FUBP1: variants seen among roughly 807,000 people sequenced by gnomAD.
The protein encoded by FUBP1 is far upstream element-binding protein 1.
Under a neutral mutation model 94.9 loss-of-function variants are expected in FUBP1, and 16 were observed. The observed-to-expected ratio is 0.17, with a 90% CI of 0.11 to 0.26. The LOEUF (loss-of-function observed/expected upper bound fraction) is 0.26, where lower values mean the gene tolerates loss of function less well. FUBP1 is among the 10% of genes least tolerant of loss of function. The pLI is 1.00. For missense variants in FUBP1, 583 were observed against 808.6 expected (o/e 0.72, Z 3.38); for synonymous variants, 279 against 254.9 (o/e 1.09, Z -0.90).
intron 19 of FUBP1, 108 bp from the exon 20 acceptor site, chr1:77,948,882 ATGG>A: frequency 4.1e-6 from 6 of 1,459,210 alleles, no homozygotes; most frequent in Non-Finnish European, 5.7e-6. Context: ...GTTAATATAA[ATGG>A]TGGTGGCTTC....
intron 18 of FUBP1, among the ~76,000 whole-genome samples, chr1:77,953,128 TA>T (rs939756575): frequency 3.3e-5 from 5 of 151,484 alleles, no homozygotes; most frequent in Admixed American, 6.6e-5. Flanking sequence ...GACTCCGTCT[TA>T]AAAAAAACAA....
At chr1:77,958,463 A>C (rs915588920) in intron 16 of FUBP1, among the ~76,000 whole-genome samples, 2 of 152,348 alleles carry the variant, frequency 1.3e-5, no homozygotes, top group Middle Eastern at 3.4e-3. Flanking sequence ...TTTTTAAAGA[A>C]ACATTTTAGT....
intron 18 of FUBP1, among the ~76,000 whole-genome samples, chr1:77,950,311 C>A (rs561171345): frequency 5.9e-5 from 9 of 152,218 alleles, no homozygotes; most frequent in South Asian, 4.1e-4. Context: ...ACAGGCCCAC[C>A]ATGCCTAGCT....
chr1:77,949,178 G>C lies in FUBP1; in HGVS notation c.1903C>G (p.Pro635Ala). ...ACCTGAGGTGCTGGAGGATGCTGTG[G>C]CATTCCCTGGGGACTTGTCTGGGCA... ...YYAQTSPQGM[P>A]QHPPAPQGQ The change falls in exon 19 of 20, where the codon CCA becomes GCA. Residue 635 changes from proline (P) to alanine (A), a missense_variant. Physicochemically the swap from Pro to Ala is conservative, Grantham distance 27. Transcript: ENST00000370768. 6.2e-7 allele frequency: 1 copy of C among 1,613,068 alleles called. No individual in the cohort carries two copies.
intron 1 of FUBP1, among the ~76,000 whole-genome samples, chr1:77,978,540 C>T (rs184674981): frequency 3.9e-4 from 59 of 152,342 alleles, no homozygotes; most frequent in Admixed American, 1.0e-3. Context: ...ATTACCAGAA[C>T]CTTCCATTAA....
At chr1:77,977,136 C>G (rs571068987) in intron 1 of FUBP1, among the ~76,000 whole-genome samples, 1 of 152,296 alleles carries the variant, frequency 6.6e-6, no homozygotes, top group South Asian at 2.1e-4. Flanking sequence ...TCAGATAATC[C>G]TGTTCATCTG....
At position 77,949,296 on chromosome 1, in the gene FUBP1, C is replaced by T. The variant is rs1186884959; in HGVS notation, c.1785G>A (p.Gln595=). 1 of 1,612,348 alleles carries T rather than the reference C, an allele frequency of 6.2e-7. No individual in the cohort carries two copies. The highest frequency in any genetic ancestry group is 8.5e-7 in the Non-Finnish European group (1 of 1,179,198). Residue 595 remains glutamine (Q), a synonymous_variant, in exon 19 of 20, where the codon CAG becomes CAA. Transcript: ENST00000370768. The part of the protein sequence containing the change: ...AWEEYYKKMG[Q]AVPAPTGAPP... The stretch of plus-strand genomic sequence containing the variant: ...GAGCCCCAGTCGGAGCAGGAACTGC[C>T]TGACCTTTGAAAAAAAAGAACTTTG...
intron 1 of FUBP1, among the ~76,000 whole-genome samples, chr1:77,973,761 C>T (rs1213056467): frequency 2.6e-5 from 4 of 152,094 alleles, no homozygotes; most frequent in Admixed American, 6.5e-5. Flanking sequence ...TTGCTCTTCA[C>T]GGTTTCAGTT....
chr1:77,964,732 C>T lies in FUBP1; in HGVS notation c.751G>A (p.Val251Met), dbSNP rs750657206. ...CCTTGATCACGAATTAACTCTAACA[C>T]CATTTCCTTGGCTTGCTAAAGCAGA... The part of the protein sequence containing the change: ...PYKVQQAKEM[V>M]LELIRDQGGF... The change falls in exon 10 of 20, where the codon GTG becomes ATG. Residue 251 changes from valine (V) to methionine (M), a missense_variant. By Grantham distance (21) the Val-to-Met change is conservative (BLOSUM62 1). Coordinates refer to ENST00000370768, the MANE Select transcript of FUBP1 (RefSeq NM_003902.5). 1 of 1,612,016 alleles carries T rather than the reference C, an allele frequency of 6.2e-7. No individual in the cohort carries two copies. Among genetic ancestry groups the T allele is most frequent in the South Asian group, 1.1e-5 (1 of 91,042 alleles).
chr1:77,960,802 C>G (rs993737104), intron 14 of FUBP1: 1 of 253,642 alleles, frequency 3.9e-6, no homozygotes, highest in Non-Finnish European at 7.5e-6. Context: ...TTTTATCATT[C>G]TTACTTTTAC....
rs758508471 is a variant in FUBP1, at chr1:77,965,156, C to T, written c.549G>A (p.Pro183=). The change falls in exon 8 of 20, where the codon CCG becomes CCA. Residue 183 remains proline (P), a synonymous_variant. Coordinates refer to ENST00000370768, the MANE Select transcript of FUBP1 (RefSeq NM_003902.5). Reference sequence around the variant, plus strand: ...TCATGATTTCTTGAACTGCATTTCCCGGTCCATCGCCATGATGGAAGCCAG... The same window carrying T: ...TCATGATTTCTTGAACTGCATTTCCTGGTCCATCGCCATGATGGAAGCCAG... ...PAPGFHHGDG[P]GNAVQEIMIP... is the part of the protein sequence containing the mutation. The T allele has an allele frequency of 1.9e-5, 31 of 1,611,726 alleles. No individual in the cohort carries two copies. Among genetic ancestry groups the T allele is most frequent in the Admixed American group, 3.3e-5 (2 of 59,986 alleles).
In FUBP1 at chr1:77,947,930, C is replaced by T. The variant is rs888018156; in HGVS notation, c.*836G>A. 6 of 995,266 alleles carry T rather than the reference C, an allele frequency of 6.0e-6. No individual in the cohort carries two copies. The East Asian group carries it at 2.2e-4, about 36-fold the overall frequency. The allele number at this position is 995,266 out of a possible 1,614,324, so 61.7% of individuals were successfully genotyped here. The stretch of plus-strand genomic sequence containing the variant: ...ATTATATACATTGAAAGAGTTGCTT[C>T]ACATGGAAAAAAACTGTTCTTATTA... On this transcript the variant is annotated 3_prime_UTR_variant, in exon 20 of 20. Transcript: ENST00000370768.
At position 77,947,782 on chromosome 1, in the gene FUBP1, A is replaced by AG. The variant is rs1002980965; in HGVS notation, c.*983dup. 9.1e-5 allele frequency: 68 copies of AG among 746,100 alleles called. 1 individual carries two copies. The African/African-American group carries it at 1.1e-3, about 12-fold the overall frequency. 46.2% of individuals were successfully genotyped at this position (746,100 alleles called of 1,614,324 possible). On this transcript the variant is annotated 3_prime_UTR_variant, in exon 20 of 20. Transcript: ENST00000370768. ...AACAAAGCTTATCTATACTGCATAA[A>AG]GAAAAAAAAAAAGCTTGAACGTTTC... is the stretch of plus-strand genomic sequence containing the variant.
In FUBP1 at chr1:77,978,324, C is replaced by A. The variant is rs901059131; in HGVS notation, c.120+561G>T. 1.2e-4 allele frequency among the ~76,000 whole-genome samples: 18 copies of A among 152,250 alleles called. No individual in the cohort carries two copies. In the South Asian group the frequency reaches 1.5e-3, roughly 12 times the overall value. On this transcript the variant is annotated intron_variant, in intron 1 of 19. Coordinates refer to ENST00000370768, the MANE Select transcript of FUBP1 (RefSeq NM_003902.5). ...AGGCCATTTTGAGAAATAAGGGGGG[C>A]GGACTGGTGGAACAGACTGACACGT... is the stretch of plus-strand genomic sequence containing the variant.
In FUBP1 at chr1:77,978,966, G is replaced by T; in HGVS notation, c.39C>A (p.Gly13=). 3 of 1,613,694 alleles carry T rather than the reference G, an allele frequency of 1.9e-6. No individual in the cohort carries two copies. The highest frequency in any genetic ancestry group is 2.5e-6 in the Non-Finnish European group (3 of 1,179,714). Residue 13 remains glycine (G), a synonymous_variant, in exon 1 of 20, where the codon GGC becomes GGA. Coordinates refer to ENST00000370768, the MANE Select transcript of FUBP1 (RefSeq NM_003902.5). ...DYSTVPPPSS[G]SAGGGGGGGG... is the part of the protein sequence containing the mutation. ...CGCCGCCACCACCGCCACCAGCTGA[G>T]CCAGAAGAGGGGGGAGGCACTGTTG...
At chr1:77,949,032 TTAAA>T (rs1274050594) in intron 19 of FUBP1, 119 bp downstream of exon 19, 1 of 1,014,818 alleles carries the variant, frequency 9.9e-7, no homozygotes. Context: ...AGTACTTCAT[TTAAA>T]TAGTTATTAT....
At chr1:77,972,748 C>T (rs889495416) in intron 1 of FUBP1, among the ~76,000 whole-genome samples, 22 of 150,140 alleles carry the variant, frequency 1.5e-4, no homozygotes, top group African/African-American at 4.4e-4. Flanking sequence ...GGTGACAGAG[C>T]GAGACTCTGT....
rs948656355 is a variant in FUBP1 at position 77,948,284 on chromosome 1, T to A, written c.*482A>T. The A allele has an allele frequency of 9.5e-7, 1 of 1,054,174 alleles. No homozygotes were observed. The highest frequency in any genetic ancestry group is 1.6e-5 in the African/African-American group (1 of 60,636). 65.3% of individuals were successfully genotyped at this position (1,054,174 alleles called of 1,614,324 possible). A position where few individuals can be genotyped will look rare whatever the true frequency, so the allele number is the denominator to read the frequency against. On this transcript the variant is annotated 3_prime_UTR_variant, in exon 20 of 20. Transcript: ENST00000370768. ...CTGCAAGGGGGGAAAAACATGCCAGTGTTTAAAAACTCAATATTTCATGGG... is the reference window on the plus strand; with the variant it reads ...CTGCAAGGGGGGAAAAACATGCCAGAGTTTAAAAACTCAATATTTCATGGG...
In FUBP1 at chr1:77,948,528, G is replaced by T; in HGVS notation, c.*238C>A. Reference sequence around the variant, plus strand: ...TAATTGCAAATACATTTGCTGGAATGTGTACATCTACACTAAATACTAAAA... The same window carrying T: ...TAATTGCAAATACATTTGCTGGAATTTGTACATCTACACTAAATACTAAAA... On this transcript the variant is annotated 3_prime_UTR_variant, in exon 20 of 20. Transcript: ENST00000370768. The T allele has an allele frequency of 7.9e-7, 1 of 1,259,680 alleles. No individual in the cohort carries two copies. The allele number at this position is 1,259,680 out of a possible 1,614,324, so 78.0% of individuals were successfully genotyped here. A position where few individuals can be genotyped will look rare whatever the true frequency, so the allele number is the denominator to read the frequency against.
Sources: gnomAD v4.1 joint callset for allele counts (sites outside exome capture counted in the v4.1 genomes callset) on GRCh38, gnomAD v4.1.1 for gene constraint, MANE v1.5 for transcripts, NCBI Gene and HGNC (gene_info 2026-07-23, HGNC 2026-07-21) for gene names.